The following NECTIN1 variants were observed in gnomAD, a reference collection of about 807,000 sequenced individuals.
The protein encoded by NECTIN1 is nectin cell adhesion molecule 1, also known as nectin-1.
In NECTIN1, 23 loss-of-function variants were observed where a neutral mutation model predicts 48.0. The ratio of observed to expected loss-of-function variants is 0.48; its 90% CI spans 0.34 to 0.68. The LOEUF is 0.68. Among genes scored for constraint, NECTIN1 ranks in the 30% least tolerant of loss-of-function variants. NECTIN1 has a pLI of 0.01. For synonymous variants in NECTIN1, 270 were observed against 288.9 expected (o/e 0.93, Z 0.66); for missense variants, 591 against 709.9 (o/e 0.83, Z 1.90).
At chr11:119,671,836 T>A (rs926185052) in intron 5 of NECTIN1, among the ~76,000 whole-genome samples, 2 of 152,182 alleles carry the variant, frequency 1.3e-5, no homozygotes, top group African/African-American at 4.8e-5. Context: ...GAGGCACGGA[T>A]GCAGCTGCCT....
At chr11:119,685,935 T>G (rs1865147382) in intron 1 of NECTIN1, among the ~76,000 whole-genome samples, 1 of 152,212 alleles carries the variant, frequency 6.6e-6, no homozygotes, top group Non-Finnish European at 1.5e-5. Flanking sequence ...GGACATGACC[T>G]GTCCAGCTCA....
At chr11:119,648,352 GTGGTGATGCTGGTGA>G (rs1565376711) in intron 5 of NECTIN1, among the ~76,000 whole-genome samples, 7 of 48,006 alleles carry the variant, frequency 1.5e-4, no homozygotes, top group Admixed American at 2.3e-4. Context: ...GATGCTGGTG[GTGGTGATGCTGGTGA>G]TGGTGGTGAT....
intron 5 of NECTIN1, among the ~76,000 whole-genome samples, chr11:119,652,120 C>T (rs1864501391): frequency 6.6e-6 from 1 of 152,200 alleles, no homozygotes; most frequent in African/African-American, 2.4e-5. Flanking sequence ...GGGAAAATCC[C>T]ATTTGGTGTG....
intron 1 of NECTIN1, among the ~76,000 whole-genome samples, chr11:119,726,071 C>A (rs143139975): frequency 9.8e-4 from 149 of 152,266 alleles, no homozygotes; most frequent in African/African-American, 3.4e-3. Context: ...ACTTCAATAG[C>A]CAGATTGGGA....
intron 1 of NECTIN1, among the ~76,000 whole-genome samples, chr11:119,722,558 G>T (rs1288886009): frequency 1.3e-5 from 2 of 152,260 alleles, no homozygotes; most frequent in Non-Finnish European, 2.9e-5. Flanking sequence ...AGGGAGCGAG[G>T]CAGGTGCCGG....
rs66955603 is a variant in NECTIN1 at position 119,683,573 on chromosome 11, GGTGTGTGTGT to G, written c.80-4818_80-4809del. Among the ~76,000 whole-genome samples the G allele has an allele frequency of 9.0e-4, 130 of 143,670 alleles. No homozygotes were observed. In the Middle Eastern group the frequency reaches 0.014, roughly 16 times the overall value. The allele number at this position is 143,670 out of a possible 152,430, so 94.3% of individuals were successfully genotyped here. A position where few individuals can be genotyped will look rare whatever the true frequency, so the allele number is the denominator to read the frequency against. On this transcript the variant is annotated intron_variant, in intron 1 of 5. Transcript: ENST00000264025. This position sits in a 1 kb window ranked among gnomAD's most constrained non-coding sequence, Gnocchi z 4.0. The stretch of plus-strand genomic sequence containing the variant: ...AGAAACAGGGGCTTTGGGGATCCCG[GGTGTGTGTGT>G]GTGTGTGTGTGTGTGTGTGTGTGTG...
intron 1 of NECTIN1, among the ~76,000 whole-genome samples, chr11:119,688,460 T>G (rs1349491566): frequency 6.7e-6 from 1 of 150,248 alleles, no homozygotes; most frequent in Non-Finnish European, 1.5e-5. Context: ...TGTCCTGTTG[T>G]GGGGGGCTGT....
intron 5 of NECTIN1, chr11:119,642,708 A>G (rs1438424571): frequency 6.5e-6 from 1 of 153,530 alleles, no homozygotes; most frequent in African/African-American, 2.4e-5. Context: ...GCATGCTCAA[A>G]AGTCCCTTAT....
chr11:119,690,678 T>C (rs1020062548), intron 1 of NECTIN1, among the ~76,000 whole-genome samples: 2 of 152,134 alleles, frequency 1.3e-5, no homozygotes, highest in Admixed American at 6.5e-5. Context: ...CCTTGGCTGA[T>C]GAGAGAACCC....
downstream of NECTIN1, among the ~76,000 whole-genome samples, chr11:119,656,988 C>T (rs1214832216): frequency 1.3e-5 from 2 of 152,142 alleles, no homozygotes; most frequent in Non-Finnish European, 2.9e-5. Flanking sequence ...GGTCTAAACC[C>T]CAAAAACCTG....
chr11:119,659,036 T>C (rs983230104), downstream of NECTIN1: 3 of 152,254 alleles, frequency 2.0e-5, no homozygotes, highest in Non-Finnish European at 1.5e-5. Flanking sequence ...TCTGGAGAAC[T>C]CCTGCACATC....
At position 119,677,255 on chromosome 11, in the gene NECTIN1, A is replaced by C. The variant is rs1263475930; in HGVS notation, c.734-36T>G. 1 of 1,561,936 alleles carries C rather than the reference A, an allele frequency of 6.4e-7. No homozygotes were observed. The highest frequency in any genetic ancestry group is 2.2e-5 in the East Asian group (1 of 44,636). Reference sequence around the variant, plus strand: ...AGGGATGTTTGAAGAGGGTGAGGTCAGGAGAGCGGGACTTAGAACAAGGGA... The same window carrying C: ...AGGGATGTTTGAAGAGGGTGAGGTCCGGAGAGCGGGACTTAGAACAAGGGA... On this transcript the variant is annotated intron_variant, in intron 3 of 5. Transcript: ENST00000264025. The surrounding 1 kb of genome is among the most constrained non-coding windows in gnomAD (Gnocchi z 5.4).
At chr11:119,667,886 T>C (rs1047451080) in intron 5 of NECTIN1, among the ~76,000 whole-genome samples, 1 of 152,186 alleles carries the variant, frequency 6.6e-6, no homozygotes, top group Non-Finnish European at 1.5e-5. Context: ...TCCCAAACTG[T>C]GGCCCATGGA....
At chr11:119,697,146 C>T (rs934604300) in intron 1 of NECTIN1, among the ~76,000 whole-genome samples, 7 of 152,078 alleles carry the variant, frequency 4.6e-5, no homozygotes, top group Admixed American at 3.3e-4. Flanking sequence ...AGGATTAGGG[C>T]GGGGAGACGC....
intron 4 of NECTIN1, 109 bp from the exon 5 acceptor site, chr11:119,675,419 G>T: frequency 1.8e-6 from 2 of 1,087,188 alleles, no homozygotes; most frequent in Non-Finnish European, 1.4e-6. Flanking sequence ...CTGAGCTTGT[G>T]TGGTAGAGTC....
intron 1 of NECTIN1, among the ~76,000 whole-genome samples, chr11:119,680,115 A>G (rs1252451102): frequency 6.6e-6 from 1 of 152,242 alleles, no homozygotes; most frequent in Non-Finnish European, 1.5e-5. Flanking sequence ...AGACATTTGC[A>G]AGAAGGAGGG....
intron 1 of NECTIN1, among the ~76,000 whole-genome samples, chr11:119,707,434 C>T (rs143600790): frequency 6.6e-6 from 1 of 152,260 alleles, no homozygotes; most frequent in Non-Finnish European, 1.5e-5. Context: ...CCCCATTCCC[C>T]TCCCATCCCT....
chr11:119,666,495 C>T (rs1403943335), intron 5 of NECTIN1, among the ~76,000 whole-genome samples: 1 of 152,230 alleles, frequency 6.6e-6, no homozygotes, highest in East Asian at 1.9e-4. Context: ...GTGGCTGAAA[C>T]CAGGGCCATG....
chr11:119,695,003 T>C (rs1431261155), intron 1 of NECTIN1, among the ~76,000 whole-genome samples: 1 of 152,102 alleles, frequency 6.6e-6, no homozygotes, highest in Non-Finnish European at 1.5e-5. Context: ...GAGGTGAGGC[T>C]CCTACTGTCT....
Sources: gnomAD v4.1 joint callset for allele counts (sites outside exome capture counted in the v4.1 genomes callset) on GRCh38, gnomAD v4.1.1 for gene constraint, Gnocchi (gnomAD v3.1) non-coding constraint, MANE v1.5 for transcripts, NCBI Gene and HGNC (gene_info 2026-07-23, HGNC 2026-07-21) for gene names.